EFCAB7: variants seen among roughly 807,000 people sequenced by gnomAD.
EFCAB7 encodes EF-hand calcium binding domain 7.
Under a neutral mutation model 77.1 loss-of-function variants are expected in EFCAB7, and 66 were observed. That is an observed-to-expected ratio of 0.86 (90% CI 0.70 to 1.05). The LOEUF (loss-of-function observed/expected upper bound fraction) is 1.05. Among genes scored for constraint, EFCAB7 ranks in the 50% least tolerant of loss-of-function variants. EFCAB7 has a pLI of 0.00. For synonymous variants in EFCAB7, 225 were observed against 243.3 expected, an observed-to-expected ratio of 0.92 and a Z score of 0.70; for missense variants, 638 against 730.5, an observed-to-expected ratio of 0.87 and a Z score of 1.46.
At chr1:63,553,186 G>A (rs1483517962) in intron 8 of EFCAB7, among the ~76,000 whole-genome samples, 1 of 152,118 alleles carries the variant, frequency 6.6e-6, no homozygotes, top group East Asian at 1.9e-4. Context: ...ATCCACAGTG[G>A]CAGTGCAAGG....
intron 5 of EFCAB7, 95 bp downstream of exon 5, chr1:63,533,744 C>T: frequency 1.1e-6 from 1 of 934,002 alleles, no homozygotes; most frequent in South Asian, 2.3e-5. Flanking sequence ...AGTGATAAAA[C>T]AAATGAGAAT....
chr1:63,546,934 A>G (rs1646905740), intron 7 of EFCAB7: 1 of 152,358 alleles, frequency 6.6e-6, no homozygotes, highest in Non-Finnish European at 1.5e-5. Flanking sequence ...ATATCTATCT[A>G]TAAGGGTGAT....
rs187596147 is a variant in EFCAB7, at chr1:63,571,306, G to A, written c.1815+178G>A. Among the ~76,000 whole-genome samples the A allele has an allele frequency of 1.2e-4, 19 of 152,238 alleles. No homozygotes were observed. The East Asian group carries it at 3.5e-3, about 28-fold the overall frequency. ...GAGACTTTGGTTCTAATCCAGTTCTGTCACTGTTTGGTTGAGTGACTATGG... is the reference window on the plus strand; with the variant it reads ...GAGACTTTGGTTCTAATCCAGTTCTATCACTGTTTGGTTGAGTGACTATGG... On this transcript the variant is annotated intron_variant, in intron 13 of 13. Coordinates refer to ENST00000371088, the MANE Select transcript of EFCAB7 (RefSeq NM_032437.4).
intron 13 of EFCAB7, among the ~76,000 whole-genome samples, chr1:63,572,240 A>G (rs916703672): frequency 2.0e-5 from 3 of 152,272 alleles, no homozygotes; most frequent in East Asian, 3.9e-4. Flanking sequence ...GACAGCTACT[A>G]TGTTAGGGTA....
chr1:63,529,258 A>G (rs1646651554), intron 2 of EFCAB7: 1 of 152,234 alleles, frequency 6.6e-6, no homozygotes. Context: ...GGTATATGGA[A>G]GATGGCGGTT....
chr1:63,537,410 C>T (rs1174829522), intron 6 of EFCAB7, among the ~76,000 whole-genome samples: 4 of 152,116 alleles, frequency 2.6e-5, no homozygotes, highest in East Asian at 1.9e-4. Flanking sequence ...ACATGTTGTA[C>T]AACCTATATA....
At position 63,533,481 on chromosome 1, in the gene EFCAB7, G is replaced by T; in HGVS notation, c.514G>T (p.Glu172Ter). 1 of 1,602,766 alleles carries T rather than the reference G, an allele frequency of 6.2e-7. No individual in the cohort carries two copies. Among genetic ancestry groups the T allele is most frequent in the South Asian group, 1.1e-5 (1 of 88,664 alleles). The change falls in exon 5 of 14, where the codon GAG becomes TAG. Residue 172 changes from glutamate (E) to a stop codon, truncating the protein, a stop_gained. Coordinates refer to ENST00000371088, the MANE Select transcript of EFCAB7 (RefSeq NM_032437.4). LOFTEE classifies it high-confidence loss of function. ...KFCKLYMTTN[E>*]QCLKTTLEKL... ...TTGTAAATTATATATGACAACCAAC[G>T]AGCAATGTCTCAAGACTACACTAGA...
intron 12 of EFCAB7, chr1:63,570,596 A>G (rs908875727): frequency 6.5e-6 from 1 of 152,862 alleles, no homozygotes; most frequent in African/African-American, 2.4e-5. Flanking sequence ...GATAATAAAT[A>G]TATTTGTTTA....
intron 3 of EFCAB7, 37 bp from the exon 4 acceptor site, chr1:63,532,633 A>G: frequency 2.6e-6 from 4 of 1,530,320 alleles, no homozygotes; most frequent in South Asian, 1.2e-5. Context: ...AGGAGTAATC[A>G]TGTTGCTTTA....
intron 6 of EFCAB7, among the ~76,000 whole-genome samples, chr1:63,542,620 C>A (rs750845255): frequency 6.6e-6 from 1 of 152,098 alleles, no homozygotes; most frequent in Non-Finnish European, 1.5e-5. Flanking sequence ...CAATACTTGT[C>A]GTTTTCTGTT....
chr1:63,561,873 A>G lies in EFCAB7; in HGVS notation c.1497+16A>G, dbSNP rs763241382. 3 of 1,545,178 alleles carry G rather than the reference A, an allele frequency of 1.9e-6. No homozygotes were observed. The highest frequency in any genetic ancestry group is 2.0e-5 in the Admixed American group (1 of 49,038). ...GTTGACAGAGGTAAAGTATTCTTAAACTTTTGCCAATGGGTTTAATGTACA... is the reference window on the plus strand; with the variant it reads ...GTTGACAGAGGTAAAGTATTCTTAAGCTTTTGCCAATGGGTTTAATGTACA... On this transcript the variant is annotated intron_variant, in intron 11 of 13. Coordinates refer to ENST00000371088, the MANE Select transcript of EFCAB7 (RefSeq NM_032437.4).
At chr1:63,561,253 C>T (rs1017441549) in intron 10 of EFCAB7, among the ~76,000 whole-genome samples, 4 of 152,184 alleles carry the variant, frequency 2.6e-5, no homozygotes, top group African/African-American at 4.8e-5. Flanking sequence ...TTAAATATGA[C>T]ACTATTCCCG....
chr1:63,551,408 T>C (rs1185299572), intron 7 of EFCAB7, among the ~76,000 whole-genome samples: 1 of 152,126 alleles, frequency 6.6e-6, no homozygotes, highest in Non-Finnish European at 1.5e-5. Flanking sequence ...CTGGCCAATG[T>C]GGTGAAACCC....
chr1:63,571,467 AG>A (rs1297468401), intron 13 of EFCAB7, among the ~76,000 whole-genome samples: 1 of 152,032 alleles, frequency 6.6e-6, no homozygotes, highest in South Asian at 2.1e-4. Context: ...TGAGGTCAGG[AG>A]TTCAAGACCA....
chr1:63,579,792 T>C, the EFCAB7 span, among the ~76,000 whole-genome samples: 1 of 152,220 alleles, frequency 6.6e-6, no homozygotes, highest in African/African-American at 2.4e-5. Context: ...ATTTCCCTAA[T>C]GGCTAATGAT....
At chr1:63,553,425 C>T (rs777639350) in intron 8 of EFCAB7, among the ~76,000 whole-genome samples, 19 of 152,126 alleles carry the variant, frequency 1.2e-4, no homozygotes, top group African/African-American at 3.4e-4. Context: ...CTGCAACCTC[C>T]GCCTCCCGGG....
intron 6 of EFCAB7, chr1:63,536,639 C>G (rs1020725225): frequency 6.6e-6 from 1 of 152,178 alleles, no homozygotes; most frequent in Admixed American, 6.5e-5. Context: ...CCTTGGCCCC[C>G]CAAAGTGCTG....
chr1:63,561,517 C>T (rs944593219), intron 10 of EFCAB7, among the ~76,000 whole-genome samples, 192 bp from the exon 11 acceptor site: 7 of 152,066 alleles, frequency 4.6e-5, no homozygotes, highest in African/African-American at 1.7e-4. Context: ...TATATCTATG[C>T]TGAGTTATGG....
intron 12 of EFCAB7, chr1:63,569,042 T>C (rs1647202616): frequency 6.6e-6 from 1 of 152,152 alleles, no homozygotes; most frequent in Admixed American, 6.6e-5. Context: ...ATACTATTGA[T>C]ATTACAGGTC....
Sources: gnomAD v4.1 joint callset for allele counts (sites outside exome capture counted in the v4.1 genomes callset) on GRCh38, gnomAD v4.1.1 for gene constraint, MANE v1.5 for transcripts, NCBI Gene and HGNC (gene_info 2026-07-23, HGNC 2026-07-21) for gene names.